RNLS: variants seen among roughly 807,000 people sequenced by gnomAD.
The protein encoded by RNLS is renalase.
A neutral mutation model predicts 39.8 loss-of-function variants in RNLS; 39 were observed. The observed-to-expected ratio is 0.98, with a 90% CI of 0.76 to 1.28. The LOEUF (loss-of-function observed/expected upper bound fraction) is 1.28. Among genes scored for constraint, RNLS ranks in the 50% most tolerant of loss-of-function variants. RNLS has a pLI of 0.00. For synonymous variants in RNLS, 147 were observed against 150.7 expected (o/e 0.98, Z 0.18); for missense variants, 410 against 413.3 (o/e 0.99, Z 0.07).
downstream of RNLS, among the ~76,000 whole-genome samples, chr10:88,271,786 C>A (rs1203779056): frequency 2.6e-5 from 4 of 152,114 alleles, no homozygotes; most frequent in African/African-American, 7.2e-5. Context: ...AGGACTTGGC[C>A]TGGAAAATTG....
At chr10:88,395,164 G>A (rs577461271) in intron 4 of RNLS, among the ~76,000 whole-genome samples, 15 of 148,446 alleles carry the variant, frequency 1.0e-4, no homozygotes, top group Admixed American at 4.7e-4. Flanking sequence ...TGCATGTTGC[G>A]CACATGTACC....
the RNLS span, among the ~76,000 whole-genome samples, chr10:88,204,135 G>T: frequency 6.6e-6 from 1 of 152,140 alleles, no homozygotes; most frequent in Admixed American, 6.6e-5. Flanking sequence ...ACACCCTGGG[G>T]ATCAGACCAT....
At chr10:88,242,969 A>G in the RNLS span, among the ~76,000 whole-genome samples, 2 of 151,754 alleles carry the variant, frequency 1.3e-5, no homozygotes, top group Non-Finnish European at 2.9e-5. Context: ...AAACAAACAA[A>G]CAAACAAACC....
chr10:88,410,094 C>T (rs1169992802), intron 4 of RNLS, among the ~76,000 whole-genome samples: 2 of 152,098 alleles, frequency 1.3e-5, no homozygotes, highest in African/African-American at 4.8e-5. Flanking sequence ...TTGGCCCACT[C>T]AGCTGTAGTT....
the RNLS span, among the ~76,000 whole-genome samples, chr10:88,174,149 G>A: frequency 6.6e-6 from 1 of 152,026 alleles, no homozygotes; most frequent in Non-Finnish European, 1.5e-5. Context: ...TTTTTTGGTG[G>A]AGTCTTTAGA....
At chr10:88,230,580 C>T in the RNLS span, among the ~76,000 whole-genome samples, 1 of 152,208 alleles carries the variant, frequency 6.6e-6, no homozygotes, top group East Asian at 1.9e-4. Context: ...AATAATGTTA[C>T]AGCCCCTGCT....
chr10:88,279,414 G>A (rs182299120), downstream of RNLS, among the ~76,000 whole-genome samples: 5 of 152,218 alleles, frequency 3.3e-5, no homozygotes, highest in East Asian at 9.7e-4. Context: ...ATAACCCTCA[G>A]AATAATCCTA....
At position 88,439,067 on chromosome 10, in the gene RNLS, C is replaced by T. The variant is rs538754498; in HGVS notation, c.527-76342G>A. Among the ~76,000 whole-genome samples the T allele has an allele frequency of 2.0e-5, 3 of 152,264 alleles. No homozygotes were observed. In the South Asian group the frequency reaches 6.2e-4, roughly 32 times the overall value. On this transcript the variant is annotated intron_variant, in intron 4 of 6. Coordinates refer to ENST00000331772, the MANE Select transcript of RNLS (RefSeq NM_001031709.3). ...CAATCCAACATATTCTCATGTGCAG[C>T]CCAGTAGTTTTGCTCCCTATTACAT...
intron 6 of RNLS, among the ~76,000 whole-genome samples, chr10:88,306,603 C>T (rs553060288): frequency 1.3e-5 from 2 of 152,236 alleles, no homozygotes; most frequent in East Asian, 1.9e-4. Context: ...TTCCTGGATA[C>T]ATACACCCTC....
At chr10:88,524,956 C>CACACACACACATATATAT (rs768939981) in intron 4 of RNLS, among the ~76,000 whole-genome samples, 5 of 76,296 alleles carry the variant, frequency 6.6e-5, no homozygotes, top group African/African-American at 1.8e-4. Flanking sequence ...ATGGCACACA[C>CACACACACACATATATAT]ATACATATAT....
chr10:88,320,800 A>T lies in RNLS; in HGVS notation c.701-6159T>A, dbSNP rs150086807. 4.0e-3 allele frequency among the ~76,000 whole-genome samples: 602 copies of T among 149,874 alleles called. 3 individuals are homozygous for T. Among genetic ancestry groups the T allele is most frequent in the South Asian group, 0.029 (134 of 4,616 alleles). Reference sequence around the variant, plus strand: ...ACATCGGAGCACCAAGATTTAGAAAACAAATACTACTAGACCTAAAGAGAA... The same window carrying T: ...ACATCGGAGCACCAAGATTTAGAAATCAAATACTACTAGACCTAAAGAGAA... On this transcript the variant is annotated intron_variant, in intron 5 of 6. Transcript: ENST00000331772.
At chr10:88,399,548 T>A (rs1333406700) in intron 4 of RNLS, among the ~76,000 whole-genome samples, 1 of 151,956 alleles carries the variant, frequency 6.6e-6, no homozygotes, top group Non-Finnish European at 1.5e-5. Flanking sequence ...AGTCCACAAC[T>A]GTATTATACA....
At chr10:88,336,688 T>A (rs1019582279) in intron 5 of RNLS, among the ~76,000 whole-genome samples, 1 of 152,196 alleles carries the variant, frequency 6.6e-6, no homozygotes, top group Non-Finnish European at 1.5e-5. Context: ...AAGTAAATGA[T>A]AGCATTCACC....
At chr10:88,430,472 T>C (rs1194261943) in intron 4 of RNLS, among the ~76,000 whole-genome samples, 1 of 151,844 alleles carries the variant, frequency 6.6e-6, no homozygotes, top group African/African-American at 2.4e-5. Context: ...CCAATCTGGA[T>C]ACTTTATATT....
chr10:88,305,255 G>C (rs576312704), intron 6 of RNLS, among the ~76,000 whole-genome samples: 1 of 152,096 alleles, frequency 6.6e-6, no homozygotes, highest in South Asian at 2.1e-4. Flanking sequence ...AAAACACACT[G>C]AAGACCAGTG....
chr10:88,330,026 G>A (rs967581365), intron 5 of RNLS, among the ~76,000 whole-genome samples: 23 of 146,720 alleles, frequency 1.6e-4, no homozygotes, highest in African/African-American at 5.7e-4. Flanking sequence ...TGTTCTTGTT[G>A]GACGACTATT....
chr10:88,552,833 G>A (rs188073715), intron 4 of RNLS, among the ~76,000 whole-genome samples: 14 of 152,210 alleles, frequency 9.2e-5, no homozygotes, highest in Middle Eastern at 3.4e-3. Context: ...CTCTATGAAC[G>A]TTGTAAAAAT....
rs1451532726 is a variant in RNLS at position 88,527,362 on chromosome 10, G to GT, written c.526+45540dup. Among the ~76,000 whole-genome samples the GT allele has an allele frequency of 3.9e-5, 6 of 152,234 alleles. No individual in the cohort carries two copies. In the East Asian group the frequency reaches 1.2e-3, roughly 29 times the overall value. On this transcript the variant is annotated intron_variant, in intron 4 of 6. Coordinates refer to ENST00000331772, the MANE Select transcript of RNLS (RefSeq NM_001031709.3). Reference sequence around the variant, plus strand: ...GCAGGACCCTCACATAGTTTCTCCAGTTTTTATCTTTACCAGGGACATTGG... The same window carrying GT: ...GCAGGACCCTCACATAGTTTCTCCAGTTTTTTATCTTTACCAGGGACATTGG...
At chr10:88,278,604 A>G (rs1374506205) in intron 6 of RNLS, among the ~76,000 whole-genome samples, 6 of 152,178 alleles carry the variant, frequency 3.9e-5, no homozygotes, top group Non-Finnish European at 8.8e-5. Flanking sequence ...ACGCTAGCAC[A>G]CACATGTGCA....
Sources: gnomAD v4.1 joint callset for allele counts (sites outside exome capture counted in the v4.1 genomes callset) on GRCh38, gnomAD v4.1.1 for gene constraint, MANE v1.5 for transcripts, NCBI Gene and HGNC (gene_info 2026-07-23, HGNC 2026-07-21) for gene names.